The following ZC3H7B variants were observed in gnomAD, a reference collection of about 807,000 sequenced individuals.
ZC3H7B encodes the protein zinc finger CCCH domain-containing protein 7B.
Under a neutral mutation model 116.0 loss-of-function variants are expected in ZC3H7B, and 35 were observed. That is an observed-to-expected ratio of 0.30 (90% CI 0.23 to 0.40). The LOEUF (loss-of-function observed/expected upper bound fraction) is 0.40, where lower values mean the gene tolerates loss of function less well. Among genes scored for constraint, ZC3H7B ranks in the 10% least tolerant of loss-of-function variants. The pLI is 1.00. For missense variants in ZC3H7B, 1,011 were observed against 1,321.5 expected (o/e 0.77, Z 3.64); for synonymous variants, 502 against 545.6 (o/e 0.92, Z 1.11).
Position 41,342,403 on chromosome 22 carries a change from C to G in ZC3H7B, c.1198-126C>G. On this transcript the variant is annotated intron_variant, in intron 11 of 22. Coordinates refer to ENST00000352645, the MANE Select transcript of ZC3H7B (RefSeq NM_017590.6). ...GTGGAGGAAGAGGAAGGGTCCTGGG[C>G]TGTGGTTTTGCTCTTGGGTAGGATA... The G allele has an allele frequency of 5.1e-6, 4 of 782,524 alleles. No individual in the cohort carries two copies. In the East Asian group the frequency reaches 1.0e-4, roughly 20 times the overall value. 48.5% of individuals were successfully genotyped at this position (782,524 alleles called of 1,614,324 possible).
chr22:41,352,889 C>G (rs1449766158), intron 17 of ZC3H7B, among the ~76,000 whole-genome samples: 1 of 151,208 alleles, frequency 6.6e-6, no homozygotes, highest in African/African-American at 2.4e-5. Flanking sequence ...ACCAGCCTGG[C>G]AAACATGACG....
intron 2 of ZC3H7B, 86 bp from the exon 3 acceptor site, chr22:41,325,478 G>T: frequency 6.5e-7 from 1 of 1,536,266 alleles, no homozygotes. Flanking sequence ...TGATGGCTGA[G>T]GTCTGAGTTG....
At chr22:41,322,501 TTTTA>T (rs2036270717) in intron 2 of ZC3H7B, among the ~76,000 whole-genome samples, 2 of 151,598 alleles carry the variant, frequency 1.3e-5, no homozygotes, top group South Asian at 4.1e-4. Flanking sequence ...TTTGTTTTTG[TTTTA>T]TTTCTCTTTT....
rs1314952922 is a variant in ZC3H7B at position 41,315,988 on chromosome 22, G to GTT, written c.-6-4653_-6-4652dup. Among the ~76,000 whole-genome samples, 445 of 142,214 alleles carry GTT rather than the reference G, an allele frequency of 3.1e-3. 3 individuals carry two copies. The highest frequency in any genetic ancestry group is 0.011 in the African/African-American group (411 of 38,884). 93.3% of individuals were successfully genotyped at this position (142,214 alleles called of 152,430 possible). On this transcript the variant is annotated intron_variant, in intron 1 of 22. Coordinates refer to ENST00000352645, the MANE Select transcript of ZC3H7B (RefSeq NM_017590.6). Reference sequence around the variant, plus strand: ...AAAATACATTCATTCTATCCAAATAGTTTTTTTTTTTTTTTGAGACGGAGT... The same window carrying GTT: ...AAAATACATTCATTCTATCCAAATAGTTTTTTTTTTTTTTTTTGAGACGGAGT...
At chr22:41,337,182 G>GTC (rs1307911743) in intron 7 of ZC3H7B, among the ~76,000 whole-genome samples, 2 of 152,034 alleles carry the variant, frequency 1.3e-5, no homozygotes, top group Non-Finnish European at 1.5e-5. Context: ...AAAAAAGTTA[G>GTC]TCAGGCGTGG....
At position 41,327,507 on chromosome 22, in the gene ZC3H7B, C is replaced by A; in HGVS notation, c.444+143C>A. The stretch of plus-strand genomic sequence containing the variant: ...ATGGCCATGCAGATCCTGATGTTAA[C>A]ACTAGCTCCCATTCTCTGAGCGCTG... On this transcript the variant is annotated intron_variant, in intron 5 of 22. Transcript: ENST00000352645. This position sits in a 1 kb window ranked among gnomAD's most constrained non-coding sequence, Gnocchi z 4.5. 1 of 1,130,542 alleles carries A rather than the reference C, an allele frequency of 8.8e-7. No homozygotes were observed. The highest frequency in any genetic ancestry group is 1.2e-6 in the Non-Finnish European group (1 of 808,508). The allele number at this position is 1,130,542 out of a possible 1,614,324, so 70.0% of individuals were successfully genotyped here.
intron 6 of ZC3H7B, among the ~76,000 whole-genome samples, chr22:41,330,429 G>A (rs1488088855): frequency 2.0e-5 from 3 of 152,214 alleles, no homozygotes; most frequent in African/African-American, 7.2e-5. Flanking sequence ...CCCATATGGT[G>A]CAAATTTGAA....
rs1424631087 is a variant in ZC3H7B, at chr22:41,356,434, G to A, written c.2475G>A (p.Gly825=). 10 of 1,614,062 alleles carry A rather than the reference G, an allele frequency of 6.2e-6. No individual in the cohort carries two copies. Among genetic ancestry groups the A allele is most frequent in the Non-Finnish European group, 8.5e-6 (10 of 1,180,048 alleles). Residue 825 remains glycine, a synonymous_variant, in exon 21 of 23, where the codon GGG becomes GGA. Coordinates refer to ENST00000352645, the MANE Select transcript of ZC3H7B (RefSeq NM_017590.6). The part of the protein sequence containing the change: ...GEGTPISSRE[G]EKQIQMPTDY... ...GGACCCCCATCAGTTCTCGGGAAGGGGAGAAGCAGATCCAGATGCCCACGG... is the reference window on the plus strand; with the variant it reads ...GGACCCCCATCAGTTCTCGGGAAGGAGAGAAGCAGATCCAGATGCCCACGG...
Position 41,357,447 on chromosome 22 carries a change from G to C in ZC3H7B, c.*18G>C. ...GGGAGTAGGGCCAGGTGTTGGCCGT[G>C]GGTGAAGTCCTGGGGTCAGGGGGTG... On this transcript the variant is annotated 3_prime_UTR_variant, in exon 23 of 23. Coordinates refer to ENST00000352645, the MANE Select transcript of ZC3H7B (RefSeq NM_017590.6). This position sits in a 1 kb window ranked among gnomAD's most constrained non-coding sequence, Gnocchi z 5.4. 6.2e-7 allele frequency: 1 copy of C among 1,610,632 alleles called. No individual in the cohort carries two copies. Among genetic ancestry groups the C allele is most frequent in the Non-Finnish European group, 8.5e-7 (1 of 1,179,174 alleles).
intron 7 of ZC3H7B, among the ~76,000 whole-genome samples, chr22:41,337,441 G>A (rs1166977021): frequency 6.6e-6 from 1 of 152,218 alleles, no homozygotes; most frequent in Non-Finnish European, 1.5e-5. Context: ...AGCGGTGAGT[G>A]AAGCAGGCCC....
chr22:41,329,924 G>C, intron 5 of ZC3H7B, 99 bp from the exon 6 acceptor site: 2 of 1,253,646 alleles, frequency 1.6e-6, no homozygotes, highest in East Asian at 4.8e-5. Flanking sequence ...AACATGGGGT[G>C]ACTATGACCT....
chr22:41,356,275 T>A, intron 20 of ZC3H7B, 68 bp from the exon 21 acceptor site: 1 of 1,599,064 alleles, frequency 6.3e-7, no homozygotes, highest in Non-Finnish European at 8.5e-7. Flanking sequence ...CCAAATCAAG[T>A]GGGGACCATG....
intron 10 of ZC3H7B, 108 bp from the exon 11 acceptor site, chr22:41,340,980 G>A: frequency 9.4e-7 from 1 of 1,066,326 alleles, no homozygotes; most frequent in Non-Finnish European, 1.4e-6. Flanking sequence ...GAGAGGATGT[G>A]TGGCCTGGGG....
intron 9 of ZC3H7B, 41 bp downstream of exon 9, chr22:41,339,232 TC>T: frequency 6.4e-7 from 1 of 1,555,672 alleles, no homozygotes; most frequent in South Asian, 1.2e-5. Context: ...TGATCCCCTC[TC>T]CCCGCTGTGT....
intron 14 of ZC3H7B, among the ~76,000 whole-genome samples, chr22:41,347,005 G>A (rs1043427384): frequency 6.6e-6 from 1 of 151,684 alleles, no homozygotes; most frequent in Non-Finnish European, 1.5e-5. Context: ...CATCGTCACG[G>A]CAGTGCTGGC....
At chr22:41,316,433 T>C (rs2036184246) in intron 1 of ZC3H7B, among the ~76,000 whole-genome samples, 1 of 150,758 alleles carries the variant, frequency 6.6e-6, no homozygotes, top group Non-Finnish European at 1.5e-5. Flanking sequence ...GAAGCTGGGA[T>C]TACAGGCGCA....
In ZC3H7B at chr22:41,339,155, C is replaced by G; in HGVS notation, c.780C>G (p.Val260=). The change falls in exon 9 of 23, where the codon GTC becomes GTG. Residue 260 remains valine, a synonymous_variant. Coordinates refer to ENST00000352645, the MANE Select transcript of ZC3H7B (RefSeq NM_017590.6). ...DSLDDFSDGD[V]FGPELDTLLD... ...TGGATGACTTCTCAGACGGGGATGTCTTTGGCCCAGAGCTGGACACCCTCC... is the reference window on the plus strand; with the variant it reads ...TGGATGACTTCTCAGACGGGGATGTGTTTGGCCCAGAGCTGGACACCCTCC... 6.2e-7 allele frequency: 1 copy of G among 1,612,634 alleles called. No homozygotes were observed. The highest frequency in any genetic ancestry group is 8.5e-7 in the Non-Finnish European group (1 of 1,179,314).
chr22:41,356,326 C>A lies in ZC3H7B; in HGVS notation c.2384-17C>A. ...AGAAGCCCCTCAGCAGGTGCCCTGT[C>A]CCTGTCCCCTGCCCAGTCCTGGACA... is the stretch of plus-strand genomic sequence containing the variant. On this transcript the variant is annotated splice_polypyrimidine_tract_variant and intron_variant, in intron 20 of 22. Transcript: ENST00000352645. The A allele has an allele frequency of 6.2e-7, 1 of 1,613,918 alleles. No homozygotes were observed. Among genetic ancestry groups the A allele is most frequent in the South Asian group, 1.1e-5 (1 of 91,074 alleles).
chr22:41,314,329 G>A (rs1601764820), intron 1 of ZC3H7B, among the ~76,000 whole-genome samples: 1 of 150,918 alleles, frequency 6.6e-6, no homozygotes, highest in South Asian at 2.1e-4. Flanking sequence ...GCTACTTTTT[G>A]TATTTTTAGT....
Sources: allele counts gnomAD v4.1 joint callset (sites outside exome capture counted in the v4.1 genomes callset), GRCh38; gene constraint gnomAD v4.1.1; non-coding constraint Gnocchi (gnomAD v3.1); transcripts MANE v1.5; gene names NCBI Gene and HGNC (gene_info 2026-07-23, HGNC 2026-07-21).